Variants in SGPL1 observed in about 807,000 individuals in gnomAD.
The protein encoded by SGPL1 is SP-lyase 1.
In SGPL1, 37 loss-of-function variants were observed where a neutral mutation model predicts 68.9. The observed-to-expected ratio is 0.54, with a 90% CI of 0.41 to 0.71. SGPL1 has a LOEUF of 0.71. Ranked by LOEUF, SGPL1 falls within the 30% of genes least tolerant of loss-of-function variation. SGPL1 has a pLI of 0.00. For synonymous variants in SGPL1, 236 were observed against 248.5 expected, an observed-to-expected ratio of 0.95 and a Z score of 0.47; for missense variants, 551 against 704.6, an observed-to-expected ratio of 0.78 and a Z score of 2.47.
At chr10:70,857,876 G>T (rs1388757711) in intron 6 of SGPL1, among the ~76,000 whole-genome samples, 186 bp downstream of exon 6, 1 of 152,194 alleles carries the variant, frequency 6.6e-6, no homozygotes, top group Non-Finnish European at 1.5e-5. Flanking sequence ...GACATCTTCA[G>T]TCTGTAAAAT....
rs1401479460 is a variant in SGPL1, at chr10:70,844,478, C to G, written c.33C>G (p.Ala11=). 1.2e-6 allele frequency: 2 copies of G among 1,613,284 alleles called. No individual in the cohort carries two copies. The highest frequency in any genetic ancestry group is 2.7e-5 in the African/African-American group (2 of 74,910). ...TTTTTCACTTGTATTTCTAGAAGGC[C>G]TTTGAGCCCTACTTAGAGATTTTGG... MPSTDLLMLK[A]FEPYLEILEV... The change falls in exon 3 of 15, where the codon GCC becomes GCG. Residue 11 remains alanine (A), a synonymous_variant. Coordinates refer to ENST00000373202, the MANE Select transcript of SGPL1 (RefSeq NM_003901.4).
chr10:70,863,304 T>TC (rs1189967419), intron 7 of SGPL1, among the ~76,000 whole-genome samples: 3 of 151,384 alleles, frequency 2.0e-5, no homozygotes, highest in East Asian at 3.9e-4. Flanking sequence ...TTTTTTTTTT[T>TC]TTTTTTTAAT....
At chr10:70,864,486 T>G (rs1289010756) in intron 7 of SGPL1, among the ~76,000 whole-genome samples, 1 of 152,238 alleles carries the variant, frequency 6.6e-6, no homozygotes, top group African/African-American at 2.4e-5. Context: ...CTAATGTCTT[T>G]GTTAGTTCTG....
At position 70,873,362 on chromosome 10, in the gene SGPL1, C is replaced by A. The variant is rs1387787124; in HGVS notation, c.1071C>A (p.Ala357=). The A allele has an allele frequency of 6.2e-7, 1 of 1,613,568 alleles. No homozygotes were observed. Among genetic ancestry groups the A allele is most frequent in the Non-Finnish European group, 8.5e-7 (1 of 1,179,572 alleles). The change falls in exon 12 of 15, where the codon GCC becomes GCA. Residue 357 remains alanine (A), a synonymous_variant. Transcript: ENST00000373202. ...ISADTHKYGY[A]PKGSSLVLYS... ...TACTTCTTCCACAGTATGGCTATGCCCCAAAAGGCTCATCATTGGTGTTGT... is the reference window on the plus strand; with the variant it reads ...TACTTCTTCCACAGTATGGCTATGCACCAAAAGGCTCATCATTGGTGTTGT...
At chr10:70,863,253 C>T (rs945782870) in intron 7 of SGPL1, among the ~76,000 whole-genome samples, 37 of 147,222 alleles carry the variant, frequency 2.5e-4, no homozygotes, top group African/African-American at 9.2e-4. Flanking sequence ...TCTCAAAGTG[C>T]TGGGATTACA....
chr10:70,839,006 A>G (rs1845674391), intron 2 of SGPL1, among the ~76,000 whole-genome samples: 1 of 152,204 alleles, frequency 6.6e-6, no homozygotes, highest in Non-Finnish European at 1.5e-5. Flanking sequence ...GCTGTTGGGT[A>G]CATTCATGAA....
Position 70,868,328 on chromosome 10 carries a change from T to G in SGPL1, c.616-17T>G. 1 of 1,582,094 alleles carries G rather than the reference T, an allele frequency of 6.3e-7. No homozygotes were observed. The highest frequency in any genetic ancestry group is 8.6e-7 in the Non-Finnish European group (1 of 1,159,312). On this transcript the variant is annotated splice_polypyrimidine_tract_variant and intron_variant, in intron 7 of 14. Transcript: ENST00000373202. ...TTCCTGACTCCCCCAACAGATGGCA[T>G]CTCTTCTTTATTATAGGTGACTTCT...
At position 70,877,498 on chromosome 10, in the gene SGPL1, TCTTC is replaced by T. The variant is rs767108590; in HGVS notation, c.*167_*170del. 2.1e-4 allele frequency: 120 copies of T among 569,666 alleles called. No homozygotes were observed. The highest frequency in any genetic ancestry group is 3.4e-4 in the Non-Finnish European group (114 of 332,284). The allele number at this position is 569,666 out of a possible 1,614,324, so 35.3% of individuals were successfully genotyped here. Reference sequence around the variant, plus strand: ...CTCAGGATTCTTGTTCTTCCTCTTATCTTCCTTTTGTGGTTTTTAATTTGAAGAC... The same window carrying T: ...CTCAGGATTCTTGTTCTTCCTCTTATCTTTTGTGGTTTTTAATTTGAAGAC... On this transcript the variant is annotated 3_prime_UTR_variant, in exon 15 of 15. Coordinates refer to ENST00000373202, the MANE Select transcript of SGPL1 (RefSeq NM_003901.4).
In SGPL1 at chr10:70,844,514, C is replaced by T. The variant is rs760420055; in HGVS notation, c.69C>T (p.Ser23=). The change falls in exon 3 of 15, where the codon TCC becomes TCT. Residue 23 remains serine, a synonymous_variant. Transcript: ENST00000373202. The part of the protein sequence containing the change: ...EPYLEILEVY[S]TKAKNYVNGH... ...ACTTAGAGATTTTGGAAGTATACTC[C>T]ACAAAAGCCAAGAATTATGTAAATG... 1.9e-6 allele frequency: 3 copies of T among 1,613,940 alleles called. No individual in the cohort carries two copies. The highest frequency in any genetic ancestry group is 1.7e-5 in the Admixed American group (1 of 60,014).
intron 2 of SGPL1, among the ~76,000 whole-genome samples, chr10:70,843,376 C>G (rs1409711389): frequency 6.6e-6 from 1 of 152,166 alleles, no homozygotes; most frequent in African/African-American, 2.4e-5. Flanking sequence ...GCCTTCAACC[C>G]TGGAGATGCT....
chr10:70,863,289 CTTTTTTTTTTT>C (rs35676112), intron 7 of SGPL1, among the ~76,000 whole-genome samples: 1 of 118,794 alleles, frequency 8.4e-6, no homozygotes, highest in African/African-American at 3.3e-5. Context: ...GCTTGGCCGT[CTTTTTTTTTTT>C]TTTTTTTTTT....
chr10:70,855,529 A>T (rs950449171), intron 5 of SGPL1, among the ~76,000 whole-genome samples: 2 of 152,224 alleles, frequency 1.3e-5, no homozygotes, highest in Admixed American at 1.3e-4. Flanking sequence ...TACAATGGGG[A>T]TAGTAATAGT....
At chr10:70,861,972 A>G (rs1564628357) in intron 7 of SGPL1, among the ~76,000 whole-genome samples, 1 of 151,852 alleles carries the variant, frequency 6.6e-6, no homozygotes, top group Non-Finnish European at 1.5e-5. Context: ...GACGAGCGCC[A>G]CTCCCTGCTC....
chr10:70,834,521 T>C (rs1045084998), intron 2 of SGPL1, among the ~76,000 whole-genome samples: 7 of 152,224 alleles, frequency 4.6e-5, no homozygotes, highest in Admixed American at 3.9e-4. Flanking sequence ...GAAGTACTTT[T>C]CAAACTAATT....
chr10:70,868,205 TG>T, intron 7 of SGPL1, 139 bp from the exon 8 acceptor site: 1 of 621,932 alleles, frequency 1.6e-6, no homozygotes, highest in Non-Finnish European at 2.7e-6. Flanking sequence ...ATTTTCCTTC[TG>T]GAAGACATGG....
chr10:70,847,322 T>C (rs1271326309), intron 3 of SGPL1, among the ~76,000 whole-genome samples: 2 of 152,074 alleles, frequency 1.3e-5, no homozygotes, highest in East Asian at 3.9e-4. Flanking sequence ...CTAATTTTTG[T>C]ATTTTTAGTA....
At chr10:70,816,962 T>C (rs1050465349) in intron 2 of SGPL1, 82 bp downstream of exon 2, 1 of 1,266,000 alleles carries the variant, frequency 7.9e-7, no homozygotes, top group Non-Finnish European at 1.2e-6. Context: ...TGTGTAGATT[T>C]CACCTCTGAT....
intron 7 of SGPL1, among the ~76,000 whole-genome samples, chr10:70,861,844 G>A (rs527924665): frequency 8.9e-4 from 135 of 152,340 alleles, no homozygotes; most frequent in African/African-American, 2.9e-3. Flanking sequence ...CCGGCACTGC[G>A]CTCGATTTCT....
At chr10:70,852,632 C>T (rs1201807903) in intron 4 of SGPL1, among the ~76,000 whole-genome samples, 3 of 152,158 alleles carry the variant, frequency 2.0e-5, no homozygotes, top group Non-Finnish European at 2.9e-5. Context: ...CTTAGCTTGC[C>T]AAGGACTATC....
Sources: gnomAD v4.1 joint callset for allele counts (sites outside exome capture counted in the v4.1 genomes callset) on GRCh38, gnomAD v4.1.1 for gene constraint, MANE v1.5 for transcripts, NCBI Gene and HGNC (gene_info 2026-07-23, HGNC 2026-07-21) for gene names.